ZNF362: variants seen among roughly 807,000 people sequenced by gnomAD.
ZNF362 encodes rotund homolog.
Under a neutral mutation model 42.9 loss-of-function variants are expected in ZNF362, and 11 were observed. The ratio of observed to expected loss-of-function variants is 0.26; its 90% CI spans 0.16 to 0.42. The LOEUF is 0.42. Ranked by LOEUF, ZNF362 falls within the 20% of genes least tolerant of loss-of-function variation. The pLI, the probability that ZNF362 is intolerant of heterozygous loss-of-function variation, is 1.00. For missense variants in ZNF362, 362 were observed against 576.2 expected, an observed-to-expected ratio of 0.63 and a Z score of 3.81; for synonymous variants, 255 against 257.3, an observed-to-expected ratio of 0.99 and a Z score of 0.09.
At chr1:33,128,195 C>T in the ZNF362 span, among the ~76,000 whole-genome samples, 1 of 142,470 alleles carries the variant, frequency 7.0e-6, no homozygotes, top group African/African-American at 2.6e-5. Flanking sequence ...TGAAACTCCC[C>T]ACCTCTCCAA....
the ZNF362 span, among the ~76,000 whole-genome samples, chr1:33,144,145 T>C: frequency 9.6e-5 from 1 of 10,440 alleles, no homozygotes. Context: ...CTTTTTTTTT[T>C]TTTTTTTTTT....
chr1:33,154,798 C>CA, the ZNF362 span, among the ~76,000 whole-genome samples: 1,574 of 102,762 alleles, frequency 0.015, 21 homozygotes, highest in African/African-American at 0.05. Context: ...ACTCCGTATC[C>CA]AAAAAAAAAA....
the ZNF362 span, among the ~76,000 whole-genome samples, chr1:33,224,780 T>C: frequency 6.6e-6 from 1 of 152,064 alleles, no homozygotes; most frequent in Non-Finnish European, 1.5e-5. Context: ...AAGAAAGATA[T>C]CAAGTCATAA....
chr1:33,163,422 T>C, the ZNF362 span: 1 of 152,202 alleles, frequency 6.6e-6, no homozygotes, highest in Non-Finnish European at 1.5e-5. Flanking sequence ...AATCCTGCTC[T>C]CGTGGAGGTG....
chr1:33,277,533 C>T lies in ZNF362; in HGVS notation c.349+939C>T, dbSNP rs142420284. ...ACACTCAGATACGGGTTGAGAAAACCGAGTCTGGCTGCTAGGTGGAGACCC... is the reference window on the plus strand; with the variant it reads ...ACACTCAGATACGGGTTGAGAAAACTGAGTCTGGCTGCTAGGTGGAGACCC... On this transcript the variant is annotated intron_variant, in intron 4 of 8. Coordinates refer to ENST00000539719, the MANE Select transcript of ZNF362 (RefSeq NM_152493.3). 1.8e-4 allele frequency among the ~76,000 whole-genome samples: 28 copies of T among 152,278 alleles called. No individual in the cohort carries two copies. The East Asian group carries it at 2.7e-3, about 15-fold the overall frequency.
chr1:33,154,507 GT>G, the ZNF362 span, among the ~76,000 whole-genome samples: 4 of 149,530 alleles, frequency 2.7e-5, no homozygotes, highest in South Asian at 4.3e-4. Context: ...AATTAAATTT[GT>G]TTTTTTTGAG....
chr1:33,167,331 G>GA, the ZNF362 span, among the ~76,000 whole-genome samples: 1 of 152,320 alleles, frequency 6.6e-6, no homozygotes, highest in East Asian at 1.9e-4. The surrounding 1 kb of genome is among the most constrained non-coding windows in gnomAD (Gnocchi z 4.2). Context: ...AGAGTAGTAG[G>GA]AATCTTGTCT....
chr1:33,295,375 CATTG>C, intron 8 of ZNF362, 70 bp downstream of exon 8: 1 of 1,553,244 alleles, frequency 6.4e-7, no homozygotes, highest in Non-Finnish European at 8.7e-7. Context: ...GTTGCTTCCC[CATTG>C]TCAGATCTGT....
At chr1:33,152,573 G>GA in the ZNF362 span, among the ~76,000 whole-genome samples, 4,155 of 102,858 alleles carry the variant, frequency 0.04, 92 homozygotes, top group Middle Eastern at 0.12. Flanking sequence ...GTCTCAAAAA[G>GA]AAAAAAAAAA....
the ZNF362 span, among the ~76,000 whole-genome samples, chr1:33,187,378 T>G: frequency 6.6e-6 from 1 of 152,178 alleles, no homozygotes; most frequent in African/African-American, 2.4e-5. Flanking sequence ...TCAGATAAAC[T>G]TGCATTCATA....
the ZNF362 span, among the ~76,000 whole-genome samples, chr1:33,222,847 C>T: frequency 6.6e-6 from 1 of 152,130 alleles, no homozygotes; most frequent in Non-Finnish European, 1.5e-5. Flanking sequence ...CTTGAATTCC[C>T]ATGTGTTGTG....
chr1:33,169,350 G>C, the ZNF362 span, among the ~76,000 whole-genome samples: 1 of 152,144 alleles, frequency 6.6e-6, no homozygotes, highest in African/African-American at 2.4e-5. Context: ...CCAGTCACTA[G>C]GTTTGCTCTG....
chr1:33,239,582 G>A, the ZNF362 span, among the ~76,000 whole-genome samples: 1 of 152,164 alleles, frequency 6.6e-6, no homozygotes, highest in Non-Finnish European at 1.5e-5. Context: ...AGGCAAAGGA[G>A]AAGCAGGCGC....
the ZNF362 span, among the ~76,000 whole-genome samples, chr1:33,202,805 C>T: frequency 6.6e-6 from 1 of 151,902 alleles, no homozygotes; most frequent in Non-Finnish European, 1.5e-5. Context: ...GTGCTAGGAA[C>T]AATAGTGGAG....
At chr1:33,205,236 C>G in the ZNF362 span, among the ~76,000 whole-genome samples, 2 of 152,256 alleles carry the variant, frequency 1.3e-5, no homozygotes, top group South Asian at 4.1e-4. Flanking sequence ...ATAACGTCAG[C>G]ACTTTGGGAG....
the ZNF362 span, among the ~76,000 whole-genome samples, chr1:33,144,223 C>T: frequency 3.3e-5 from 5 of 151,788 alleles, no homozygotes; most frequent in Admixed American, 1.3e-4. Flanking sequence ...CCGCAACCTC[C>T]GCCTCCCGGG....
chr1:33,182,995 G>C, the ZNF362 span, among the ~76,000 whole-genome samples: 1 of 152,148 alleles, frequency 6.6e-6, no homozygotes, highest in Non-Finnish European at 1.5e-5. Flanking sequence ...TTTCCAATGT[G>C]TCTGCGGATG....
chr1:33,205,250 G>C, the ZNF362 span, among the ~76,000 whole-genome samples: 2 of 152,174 alleles, frequency 1.3e-5, no homozygotes. Context: ...TTGGGAGGCT[G>C]AGGCAAGAGG....
chr1:33,232,367 C>T, the ZNF362 span, among the ~76,000 whole-genome samples: 9 of 152,046 alleles, frequency 5.9e-5, no homozygotes, highest in Admixed American at 2.6e-4. Context: ...TGGGTTCAAG[C>T]GATTCTCCTG....
Sources: gnomAD v4.1 joint callset for allele counts (sites outside exome capture counted in the v4.1 genomes callset) on GRCh38, gnomAD v4.1.1 for gene constraint, Gnocchi (gnomAD v3.1) non-coding constraint, MANE v1.5 for transcripts, NCBI Gene and HGNC (gene_info 2026-07-23, HGNC 2026-07-21) for gene names.